RPS6KA2: variants seen among roughly 807,000 people sequenced by gnomAD.
RPS6KA2 encodes the protein ribosomal protein S6 kinase alpha-2.
A neutral mutation model predicts 91.8 loss-of-function variants in RPS6KA2; 42 were observed. The ratio of observed to expected loss-of-function variants is 0.46; its 90% CI spans 0.36 to 0.59. The LOEUF is 0.59. RPS6KA2 is among the 20% of genes least tolerant of loss of function. The pLI is 0.00. For synonymous variants in RPS6KA2, 414 were observed against 393.6 expected, an observed-to-expected ratio of 1.05 and a Z score of -0.61; for missense variants, 798 against 978.5, an observed-to-expected ratio of 0.82 and a Z score of 2.46.
At chr6:166,476,821 G>GGA (rs923528730) in intron 10 of RPS6KA2, among the ~76,000 whole-genome samples, 1 of 152,158 alleles carries the variant, frequency 6.6e-6, no homozygotes, top group African/African-American at 2.4e-5. Context: ...GTCCAGGGCG[G>GGA]GAGAGCTCTG....
intron 3 of RPS6KA2, among the ~76,000 whole-genome samples, chr6:166,525,018 T>G (rs971456030): frequency 1.3e-5 from 2 of 152,202 alleles, no homozygotes; most frequent in Admixed American, 1.3e-4. Flanking sequence ...CAGCATCTTG[T>G]GAAAGTCCCC....
intron 2 of RPS6KA2, among the ~76,000 whole-genome samples, chr6:166,730,088 A>G (rs1273964702): frequency 1.3e-5 from 2 of 152,228 alleles, no homozygotes; most frequent in African/African-American, 2.4e-5. Context: ...AAGGATTAAG[A>G]TTCTCACATG....
At chr6:166,488,526 G>C (rs950567993) in intron 10 of RPS6KA2, among the ~76,000 whole-genome samples, 2 of 152,248 alleles carry the variant, frequency 1.3e-5, no homozygotes, top group African/African-American at 4.8e-5. Flanking sequence ...CCTTAGCTTA[G>C]AGACTTTCAA....
At chr6:166,797,096 A>T (rs1311871815) in intron 2 of RPS6KA2, among the ~76,000 whole-genome samples, 1 of 152,208 alleles carries the variant, frequency 6.6e-6, no homozygotes, top group Non-Finnish European at 1.5e-5. Flanking sequence ...GCTGAGGATG[A>T]TGTGGAGACA....
At chr6:166,829,860 A>G (rs1007794289) in intron 2 of RPS6KA2, among the ~76,000 whole-genome samples, 4 of 152,182 alleles carry the variant, frequency 2.6e-5, no homozygotes, top group Admixed American at 6.5e-5. Context: ...CTGTAATCCC[A>G]GAACTTTGGG....
chr6:166,436,447 C>A (rs985675744), intron 14 of RPS6KA2, among the ~76,000 whole-genome samples: 2 of 152,116 alleles, frequency 1.3e-5, no homozygotes, highest in African/African-American at 4.8e-5. Flanking sequence ...CAGTGTAATG[C>A]CTTGGGGGCA....
At chr6:166,536,117 C>T (rs1783469588) in intron 2 of RPS6KA2, among the ~76,000 whole-genome samples, 1 of 152,214 alleles carries the variant, frequency 6.6e-6, no homozygotes, top group Non-Finnish European at 1.5e-5. Context: ...TCTCCAATGT[C>T]ATCATTAAAT....
At chr6:166,607,362 A>G (rs571900967) in intron 1 of RPS6KA2, among the ~76,000 whole-genome samples, 1 of 152,262 alleles carries the variant, frequency 6.6e-6, no homozygotes, top group African/African-American at 2.4e-5. Context: ...TAGTCACAAC[A>G]GCCAAAAAGT....
chr6:166,453,723 C>T (rs1027399668), intron 12 of RPS6KA2, among the ~76,000 whole-genome samples: 3 of 152,184 alleles, frequency 2.0e-5, no homozygotes, highest in African/African-American at 4.8e-5. Flanking sequence ...GAAAAGAAAT[C>T]GTTGTCTCAA....
chr6:166,738,806 G>A (rs550053178), intron 2 of RPS6KA2, among the ~76,000 whole-genome samples: 1 of 152,330 alleles, frequency 6.6e-6, no homozygotes, highest in South Asian at 2.1e-4. Flanking sequence ...AAATGCTTGA[G>A]TCCAGCAATG....
intron 10 of RPS6KA2, among the ~76,000 whole-genome samples, chr6:166,470,406 C>T (rs1480288294): frequency 6.6e-6 from 1 of 152,226 alleles, no homozygotes; most frequent in African/African-American, 2.4e-5. Flanking sequence ...AGCCCAGCCT[C>T]CTGCCCACAC....
intron 2 of RPS6KA2, among the ~76,000 whole-genome samples, chr6:166,646,740 G>C (rs1787615926): frequency 6.6e-6 from 1 of 152,160 alleles, no homozygotes; most frequent in South Asian, 2.1e-4. Context: ...TAGGATCCTT[G>C]ACTCCTACCA....
chr6:166,446,645 A>G (rs1224771803), intron 14 of RPS6KA2, among the ~76,000 whole-genome samples: 1 of 152,188 alleles, frequency 6.6e-6, no homozygotes, highest in Non-Finnish European at 1.5e-5. Context: ...TGTCCATATA[A>G]GAGCTGGATA....
intron 1 of RPS6KA2, among the ~76,000 whole-genome samples, chr6:166,564,151 A>G (rs1784424715): frequency 6.6e-6 from 1 of 152,162 alleles, no homozygotes; most frequent in Non-Finnish European, 1.5e-5. Context: ...GAAAATGCAA[A>G]ATCCATTTTG....
intron 3 of RPS6KA2, among the ~76,000 whole-genome samples, chr6:166,517,455 GTTTTTTT>G (rs71032809): frequency 1.5e-4 from 16 of 104,932 alleles, no homozygotes; most frequent in South Asian, 3.0e-4. Context: ...CTTTTGTTTT[GTTTTTTT>G]TTTTTTTTTT....
At chr6:166,762,788 G>A (rs1778212711) in intron 2 of RPS6KA2, among the ~76,000 whole-genome samples, 2 of 152,214 alleles carry the variant, frequency 1.3e-5, no homozygotes, top group African/African-American at 4.8e-5. Context: ...AGCGGAGCAA[G>A]CCATGACCCT....
intron 2 of RPS6KA2, among the ~76,000 whole-genome samples, chr6:166,806,017 C>A (rs1583139237): frequency 6.6e-6 from 1 of 151,908 alleles, no homozygotes; most frequent in East Asian, 1.9e-4. Context: ...TTTAAGCAGG[C>A]AGAAAAAAGA....
rs186658938 is a variant in RPS6KA2 at position 166,669,842 on chromosome 6, C to G, written c.124-131058G>C. Among the ~76,000 whole-genome samples the G allele has an allele frequency of 3.3e-5, 5 of 152,328 alleles. No homozygotes were observed. The East Asian group carries it at 9.7e-4, about 29-fold the overall frequency. ...GATTCCTACCGAGGTCCAGGGTAGG[C>G]CAGGGCCTATGGGGAGACCTACTAT... On this transcript the variant is annotated intron_variant, in intron 2 of 21. Coordinates refer to the RPS6KA2 transcript ENST00000503859.
At chr6:166,510,835 G>C (rs539472861) in intron 3 of RPS6KA2, among the ~76,000 whole-genome samples, 160 of 151,754 alleles carry the variant, frequency 1.1e-3, no homozygotes, top group African/African-American at 3.6e-3. Flanking sequence ...CAATTATATT[G>C]GTTGTTAAAT....
Sources: gnomAD v4.1 joint callset for allele counts (sites outside exome capture counted in the v4.1 genomes callset) on GRCh38, gnomAD v4.1.1 for gene constraint, MANE v1.5 for transcripts, NCBI Gene and HGNC (gene_info 2026-07-23, HGNC 2026-07-21) for gene names.